The following DGAT2L6 variants were observed in gnomAD, a reference collection of about 807,000 sequenced individuals.
The protein encoded by DGAT2L6 is diacylglycerol O-acyltransferase 2 like 6.
A neutral mutation model predicts 25.5 loss-of-function variants in DGAT2L6; 22 were observed. That is an observed-to-expected ratio of 0.86 (90% CI 0.62 to 1.23). DGAT2L6 has a LOEUF of 1.23. DGAT2L6 is among the 50% of genes most tolerant of loss of function. The pLI is 0.00. For missense variants in DGAT2L6, 287 were observed against 253.2 expected (o/e 1.13, Z -0.91); for synonymous variants, 100 against 94.7 (o/e 1.06, Z -0.32).
intron 1 of DGAT2L6, among the ~76,000 whole-genome samples, chrX:70,192,533 T>C (rs2085378389): frequency 8.9e-6 from 1 of 112,250 alleles, no homozygotes; most frequent in Non-Finnish European, 1.9e-5. Context: ...GTAGCTGTAG[T>C]TATTTTTAGT....
chrX:70,205,014 C>G lies in DGAT2L6; in HGVS notation c.922C>G (p.His308Asp), dbSNP rs996967355. 6.6e-6 allele frequency: 8 copies of G among 1,205,209 alleles called. No homozygotes were observed. The highest frequency in any genetic ancestry group is 9.0e-6 in the Non-Finnish European group (8 of 893,337). ...AAACCAGAAGACAGTAGACAAGTAT[C>G]ACGCACTCTACATCAGTGCCCTGCG... ...RPNQKTVDKY[H>D]ALYISALRKL... Residue 308 changes from histidine (H) to aspartate (D), a missense_variant, in exon 7 of 7, where the codon CAC becomes GAC. By Grantham distance (81) the His-to-Asp change is moderately conservative. Coordinates refer to ENST00000333026, the MANE Select transcript of DGAT2L6 (RefSeq NM_198512.3).
At chrX:70,203,369 G>A (rs1351130404) in intron 5 of DGAT2L6, among the ~76,000 whole-genome samples, 1 of 112,121 alleles carries the variant, frequency 8.9e-6, no homozygotes, top group Non-Finnish European at 1.9e-5. Flanking sequence ...CACTACAATG[G>A]AAATGTGTAC....
intron 1 of DGAT2L6, among the ~76,000 whole-genome samples, chrX:70,182,066 A>G (rs1454276529): frequency 1.8e-5 from 2 of 109,365 alleles, no homozygotes; most frequent in African/African-American, 3.3e-5. Context: ...CCTTCCTTCT[A>G]TCTTGCTCAG....
intron 1 of DGAT2L6, among the ~76,000 whole-genome samples, chrX:70,191,519 T>C (rs1026154316): frequency 2.7e-5 from 3 of 111,463 alleles, no homozygotes; most frequent in Non-Finnish European, 5.7e-5. Context: ...ATAAGGAACC[T>C]ATGGGACACA....
chrX:70,199,714 A>C (rs2085403192), intron 2 of DGAT2L6, 98 bp from the exon 3 acceptor site: 4 of 813,581 alleles, frequency 4.9e-6, no homozygotes, highest in Non-Finnish European at 7.1e-6. Flanking sequence ...GAGGCCCCTC[A>C]CGTGACCTGA....
chrX:70,199,580 C>A (rs2085402772), intron 2 of DGAT2L6, among the ~76,000 whole-genome samples, 199 bp downstream of exon 2: 1 of 111,716 alleles, frequency 9.0e-6, no homozygotes, highest in Non-Finnish European at 1.9e-5. Context: ...GGTCTCTGGG[C>A]AGGTGCCCCC....
chrX:70,179,435 T>A (rs1245087887), intron 1 of DGAT2L6, among the ~76,000 whole-genome samples: 1 of 110,216 alleles, frequency 9.1e-6, no homozygotes. Context: ...CAAATCCGGG[T>A]CCCAGAAAGA....
At chrX:70,181,611 T>C (rs143535136) in intron 1 of DGAT2L6, among the ~76,000 whole-genome samples, 2 of 111,842 alleles carry the variant, frequency 1.8e-5, no homozygotes, top group East Asian at 5.6e-4. Flanking sequence ...GTGAGATCCT[T>C]GCAGCCTCCT....
At position 70,196,903 on chromosome X, in the gene DGAT2L6, C is replaced by T. The variant is rs146510086; in HGVS notation, c.86-2368C>T. Among the ~76,000 whole-genome samples the T allele has an allele frequency of 7.8e-3, 874 of 112,453 alleles. 2 individuals are homozygous for T. The highest frequency in any genetic ancestry group is 0.019 in the African/African-American group (575 of 31,008). ...CAGACAAGCACATGAAAAGCTGTTA[C>T]GCATCACTAGCTATTGGAGAAATGC... is the stretch of plus-strand genomic sequence containing the variant. On this transcript the variant is annotated intron_variant, in intron 1 of 6. Transcript: ENST00000333026.
chrX:70,199,694 G>A, intron 2 of DGAT2L6, 118 bp from the exon 3 acceptor site: 1 of 619,396 alleles, frequency 1.6e-6, no homozygotes, highest in East Asian at 3.5e-5. Flanking sequence ...CAGTTCTGAG[G>A]TGTCAGAAGG....
At chrX:70,188,982 A>G (rs1455637133) in intron 1 of DGAT2L6, among the ~76,000 whole-genome samples, 1 of 108,728 alleles carries the variant, frequency 9.2e-6, no homozygotes, top group East Asian at 2.8e-4. Flanking sequence ...TCTACAAAAA[A>G]AAAAAAAAAA....
chrX:70,196,531 G>GAGAAAAAAAGAAA (rs2085392596), intron 1 of DGAT2L6, among the ~76,000 whole-genome samples: 1 of 95,530 alleles, frequency 1.0e-5, no homozygotes, highest in Non-Finnish European at 2.2e-5. Flanking sequence ...AAAGAAAAAA[G>GAGAAAAAAAGAAA]AAAGAAAGAA....
chrX:70,194,218 C>T (rs927842953), intron 1 of DGAT2L6, among the ~76,000 whole-genome samples: 2 of 111,073 alleles, frequency 1.8e-5, no homozygotes, highest in African/African-American at 6.5e-5. Context: ...ATACCAAAAA[C>T]TGTAAGACAT....
chrX:70,194,442 T>C lies in DGAT2L6; in HGVS notation c.86-4829T>C, dbSNP rs768113389. ...AAGACCCTGAATAGCCAAAGTAATC[T>C]TGAGAAAGAAAAACAAAGCTAGAGG... On this transcript the variant is annotated intron_variant, in intron 1 of 6. Transcript: ENST00000333026. 6.3e-5 allele frequency among the ~76,000 whole-genome samples: 7 copies of C among 111,857 alleles called. No homozygotes were observed. The South Asian group carries it at 2.6e-3, about 42-fold the overall frequency.
intron 6 of DGAT2L6, 87 bp downstream of exon 6, chrX:70,204,603 A>T: frequency 9.5e-7 from 1 of 1,057,737 alleles, no homozygotes; most frequent in South Asian, 2.1e-5. Flanking sequence ...GGGGGACCCA[A>T]CTCACATCTG....
chrX:70,204,244 G>A, intron 5 of DGAT2L6, 61 bp from the exon 6 acceptor site: 3 of 1,035,536 alleles, frequency 2.9e-6, no homozygotes, highest in Non-Finnish European at 2.6e-6. Context: ...TTCCCACCTT[G>A]GAGAGGATTT....
At chrX:70,185,965 C>T (rs1234270487) in intron 1 of DGAT2L6, among the ~76,000 whole-genome samples, 1 of 109,926 alleles carries the variant, frequency 9.1e-6, no homozygotes, top group Non-Finnish European at 1.9e-5. Flanking sequence ...GTCATTGCCC[C>T]GAAACATGAA....
intron 2 of DGAT2L6, 57 bp downstream of exon 2, chrX:70,199,438 A>G: frequency 1.6e-6 from 1 of 628,366 alleles, no homozygotes; most frequent in Non-Finnish European, 2.2e-6. Context: ...AAGGACAGGG[A>G]GAGGGAGGTG....
intron 1 of DGAT2L6, among the ~76,000 whole-genome samples, chrX:70,177,991 C>A (rs2085332210): frequency 9.1e-6 from 1 of 109,685 alleles, no homozygotes; most frequent in Non-Finnish European, 1.9e-5. Flanking sequence ...CAAAAATTAG[C>A]CAGGCATGGT....
Sources: allele counts gnomAD v4.1 joint callset (sites outside exome capture counted in the v4.1 genomes callset), GRCh38; gene constraint gnomAD v4.1.1; transcripts MANE v1.5; gene names NCBI Gene and HGNC (gene_info 2026-07-23, HGNC 2026-07-21).